The following GRXCR1 variants were observed in gnomAD, a reference collection of about 807,000 sequenced individuals.
GRXCR1 encodes glutaredoxin and cysteine rich domain containing 1, also known as glutaredoxin domain-containing cysteine-rich protein 1.
A neutral mutation model predicts 27.3 loss-of-function variants in GRXCR1; 27 were observed. That is an observed-to-expected ratio of 0.99 (90% confidence interval 0.73 to 1.37). The LOEUF (loss-of-function observed/expected upper bound fraction) is 1.37. Ranked by LOEUF, GRXCR1 falls within the 40% of genes most tolerant of loss-of-function variation. The probability of loss-of-function intolerance (pLI) is 0.00; values close to 1 mark genes in which losing one functional copy is unlikely to be tolerated. For missense variants in GRXCR1, 379 were observed against 354.4 expected, an observed-to-expected ratio of 1.07 and a Z score of -0.56; for synonymous variants, 122 against 131.1, an observed-to-expected ratio of 0.93 and a Z score of 0.47.
At chr4:42,909,765 C>G (rs1466773725) in intron 1 of GRXCR1, among the ~76,000 whole-genome samples, 1 of 152,142 alleles carries the variant, frequency 6.6e-6, no homozygotes, top group Admixed American at 6.6e-5. Context: ...TACTCCCCTG[C>G]TAAAAACAAA....
At chr4:42,984,051 G>A (rs1033290046) in intron 2 of GRXCR1, among the ~76,000 whole-genome samples, 4 of 151,946 alleles carry the variant, frequency 2.6e-5, no homozygotes, top group Admixed American at 2.0e-4. Flanking sequence ...GGCCAGGCTG[G>A]TCTCGAACTC....
At chr4:42,978,767 G>A (rs1326322598) in intron 2 of GRXCR1, among the ~76,000 whole-genome samples, 1 of 151,912 alleles carries the variant, frequency 6.6e-6, no homozygotes, top group Non-Finnish European at 1.5e-5. Context: ...ACATGGTTAG[G>A]CTTTGTGTCC....
In GRXCR1 at chr4:42,893,594, A is replaced by G. The variant is rs1251070939; in HGVS notation, c.328A>G (p.Lys110Glu). Reference sequence around the variant, plus strand: ...CAAAAATGGCACAGTCAGAGGCGTCAAATACAAAGTGAGTGCTGGCCAGGC... The same window carrying G: ...CAAAAATGGCACAGTCAGAGGCGTCGAATACAAAGTGAGTGCTGGCCAGGC... ...LSKNGTVRGV[K>E]YKVSAGQALF... The change falls in exon 1 of 4, where the codon AAA becomes GAA. Residue 110 changes from lysine (K) to glutamate (E), a missense_variant. Transcript: ENST00000399770. The G allele has an allele frequency of 6.2e-7, 1 of 1,613,628 alleles. No individual in the cohort carries two copies. The highest frequency in any genetic ancestry group is 2.2e-5 in the East Asian group (1 of 44,834).
chr4:42,987,002 ATGTGTGTGTGTGTG>A (rs36224914), intron 2 of GRXCR1, among the ~76,000 whole-genome samples: 1 of 140,804 alleles, frequency 7.1e-6, no homozygotes, highest in Non-Finnish European at 1.5e-5. Context: ...AGATATGTGT[ATGTGTGTGTGTGTG>A]TGTGTGTGTG....
chr4:42,972,577 G>T (rs917852468), intron 2 of GRXCR1, among the ~76,000 whole-genome samples: 8 of 152,140 alleles, frequency 5.3e-5, no homozygotes, highest in African/African-American at 1.9e-4. Flanking sequence ...GACAATGATA[G>T]TAAAAGCTAA....
chr4:42,959,418 T>A (rs973304883), intron 1 of GRXCR1, among the ~76,000 whole-genome samples: 1 of 151,350 alleles, frequency 6.6e-6, no homozygotes, highest in Non-Finnish European at 1.5e-5. Flanking sequence ...ATGGTGGCTG[T>A]TAGTGGTGGG....
At chr4:42,972,354 AT>A (rs1347468061) in intron 2 of GRXCR1, among the ~76,000 whole-genome samples, 1 of 152,108 alleles carries the variant, frequency 6.6e-6, no homozygotes, top group Non-Finnish European at 1.5e-5. Flanking sequence ...TTTGGATCTT[AT>A]TTGGTAATAG....
chr4:43,022,929 C>G (rs1485191650), intron 3 of GRXCR1, among the ~76,000 whole-genome samples: 1 of 152,128 alleles, frequency 6.6e-6, no homozygotes, highest in South Asian at 2.1e-4. Flanking sequence ...CTTATTATCC[C>G]CACTTTACTG....
intron 2 of GRXCR1, among the ~76,000 whole-genome samples, chr4:43,015,565 C>A (rs1017873129): frequency 2.0e-5 from 3 of 152,014 alleles, no homozygotes; most frequent in African/African-American, 7.2e-5. Context: ...GACTACTGTG[C>A]TTAGAAAACT....
At chr4:43,006,177 A>G (rs1712552045) in intron 2 of GRXCR1, among the ~76,000 whole-genome samples, 1 of 152,036 alleles carries the variant, frequency 6.6e-6, no homozygotes, top group Admixed American at 6.6e-5. Context: ...GCTGAGGAGG[A>G]TGTATATCGC....
chr4:42,936,219 T>C (rs566135239), intron 1 of GRXCR1, among the ~76,000 whole-genome samples: 2 of 151,900 alleles, frequency 1.3e-5, no homozygotes, highest in African/African-American at 2.4e-5. Flanking sequence ...TGATGTTCAA[T>C]AAAAATTACT....
At chr4:42,912,488 T>G (rs1452113285) in intron 1 of GRXCR1, among the ~76,000 whole-genome samples, 1 of 152,216 alleles carries the variant, frequency 6.6e-6, no homozygotes, top group Non-Finnish European at 1.5e-5. Flanking sequence ...GCTCATTGCA[T>G]GTAAACTAGC....
rs7657130 is a variant in GRXCR1 at position 42,900,989 on chromosome 4, A to C, written c.384+7339A>C. Among the ~76,000 whole-genome samples, 534 of 152,294 alleles carry C rather than the reference A, an allele frequency of 3.5e-3. 1 individual carries two copies. Among genetic ancestry groups the C allele is most frequent in the African/African-American group, 0.012 (511 of 41,572 alleles). ...CCTTCCTTTGACAGCTGTCAAATGC[A>C]CAATGCTTGTGGCGCATCTAGCAGA... On this transcript the variant is annotated intron_variant, in intron 1 of 3. Transcript: ENST00000399770.
chr4:43,011,771 G>T (rs1443961489), intron 2 of GRXCR1, among the ~76,000 whole-genome samples: 1 of 152,130 alleles, frequency 6.6e-6, no homozygotes, highest in Non-Finnish European at 1.5e-5. Flanking sequence ...TTCATTTCTT[G>T]CCCATAAGCT....
intron 1 of GRXCR1, among the ~76,000 whole-genome samples, chr4:42,908,235 C>T (rs1027438100): frequency 1.3e-5 from 2 of 152,160 alleles, no homozygotes; most frequent in Non-Finnish European, 2.9e-5. Context: ...CACTGAATTG[C>T]TGCTATACCT....
intron 2 of GRXCR1, among the ~76,000 whole-genome samples, chr4:42,967,797 G>A (rs1748282197): frequency 6.6e-6 from 1 of 152,020 alleles, no homozygotes; most frequent in Admixed American, 6.6e-5. Flanking sequence ...TTTGGGTTTT[G>A]TTTCTTAAGG....
At chr4:42,975,638 C>G (rs2109781870) in intron 2 of GRXCR1, among the ~76,000 whole-genome samples, 1 of 152,194 alleles carries the variant, frequency 6.6e-6, no homozygotes, top group Non-Finnish European at 1.5e-5. Context: ...CCTCATATTT[C>G]CGTAGTCACA....
intron 1 of GRXCR1, among the ~76,000 whole-genome samples, chr4:42,940,046 G>A (rs1486705045): frequency 6.6e-6 from 1 of 151,774 alleles, no homozygotes; most frequent in African/African-American, 2.4e-5. Flanking sequence ...TGGTGGAGAC[G>A]GCTCTGGGCA....
chr4:42,943,497 T>C (rs950892470), intron 1 of GRXCR1, among the ~76,000 whole-genome samples: 1 of 152,010 alleles, frequency 6.6e-6, no homozygotes, highest in Non-Finnish European at 1.5e-5. Context: ...AGCTTCTGAA[T>C]CAGAATTTCC....
Sources: allele counts gnomAD v4.1 joint callset (sites outside exome capture counted in the v4.1 genomes callset), GRCh38; gene constraint gnomAD v4.1.1; transcripts MANE v1.5; gene names NCBI Gene and HGNC (gene_info 2026-07-23, HGNC 2026-07-21).